Variants in PARD3B observed in about 807,000 individuals in gnomAD.
PARD3B encodes par-3 family cell polarity regulator beta.
PARD3B carries 103 observed loss-of-function variants against 130.2 expected under a neutral mutation model. That is an observed-to-expected ratio of 0.79 (90% CI 0.67 to 0.93). PARD3B has a LOEUF of 0.93. Among genes scored for constraint, PARD3B ranks in the 40% least tolerant of loss-of-function variants. PARD3B has a pLI of 0.00. For missense variants in PARD3B, 1,609 were observed against 1,499.2 expected, an observed-to-expected ratio of 1.07 and a Z score of -1.21; for synonymous variants, 583 against 553.2, an observed-to-expected ratio of 1.05 and a Z score of -0.76.
chr2:205,072,540 C>T (rs201742839), intron 4 of PARD3B, among the ~76,000 whole-genome samples: 12 of 152,088 alleles, frequency 7.9e-5, no homozygotes, highest in East Asian at 3.9e-4. Context: ...GCATGACCTA[C>T]GGCACCCAGC....
chr2:204,942,287 C>T (rs1349925613), intron 2 of PARD3B, among the ~76,000 whole-genome samples: 3 of 152,086 alleles, frequency 2.0e-5, no homozygotes, highest in Admixed American at 6.6e-5. Context: ...TTTATAGTAA[C>T]GCTTCATTAA....
At position 204,964,509 on chromosome 2, in the gene PARD3B, G is replaced by C. The variant is rs973451785; in HGVS notation, c.223-643G>C. On this transcript the variant is annotated intron_variant, in intron 2 of 22. Coordinates refer to ENST00000406610, the MANE Select transcript of PARD3B (RefSeq NM_001302769.2). Reference sequence around the variant, plus strand: ...AAAGTAAGGATGTCGAGTCTTATTGGACTTAGCATTCCATTGGACTTAAAC... The same window carrying C: ...AAAGTAAGGATGTCGAGTCTTATTGCACTTAGCATTCCATTGGACTTAAAC... 1.3e-5 allele frequency among the ~76,000 whole-genome samples: 2 copies of C among 152,278 alleles called. 1 individual carries two copies. Among genetic ancestry groups the C allele is most frequent in the Middle Eastern group, 6.8e-3 (2 of 292 alleles).
At chr2:204,625,475 A>G (rs1335856180) in intron 1 of PARD3B, among the ~76,000 whole-genome samples, 1 of 152,190 alleles carries the variant, frequency 6.6e-6, no homozygotes, top group Admixed American at 6.5e-5. Context: ...CTGCCAGGAT[A>G]AGGGATTGTT....
intron 1 of PARD3B, among the ~76,000 whole-genome samples, chr2:204,637,283 T>C (rs1230964335): frequency 1.3e-5 from 2 of 152,190 alleles, no homozygotes; most frequent in Non-Finnish European, 2.9e-5. Flanking sequence ...TAATAATTAA[T>C]ACATGGTACA....
chr2:204,638,269 T>A (rs1167054883), intron 1 of PARD3B, among the ~76,000 whole-genome samples: 1 of 152,180 alleles, frequency 6.6e-6, no homozygotes, highest in Non-Finnish European at 1.5e-5. Context: ...AGTTTACAAT[T>A]CCCCAGAAAT....
intron 1 of PARD3B, among the ~76,000 whole-genome samples, chr2:204,616,244 A>G (rs1373017733): frequency 6.6e-6 from 1 of 152,216 alleles, no homozygotes; most frequent in Non-Finnish European, 1.5e-5. Flanking sequence ...TGTTATCTAA[A>G]ATATGCAAAG....
intron 3 of PARD3B, among the ~76,000 whole-genome samples, chr2:205,018,350 C>T (rs956053531): frequency 6.6e-6 from 1 of 151,930 alleles, no homozygotes; most frequent in Non-Finnish European, 1.5e-5. Flanking sequence ...CATGTAATAT[C>T]CAGAACATGA....
At chr2:205,459,818 C>T (rs1346514156) in intron 20 of PARD3B, among the ~76,000 whole-genome samples, 1 of 152,120 alleles carries the variant, frequency 6.6e-6, no homozygotes, top group East Asian at 1.9e-4. Context: ...CAGTGTTCAC[C>T]ACAGAAAATA....
At chr2:205,082,890 G>A (rs1185202317) in intron 4 of PARD3B, among the ~76,000 whole-genome samples, 2 of 151,460 alleles carry the variant, frequency 1.3e-5, no homozygotes, top group Admixed American at 6.6e-5. Flanking sequence ...ATAATCTTAA[G>A]GGAAATTACA....
chr2:205,379,159 A>G (rs919288542), intron 18 of PARD3B, among the ~76,000 whole-genome samples: 21 of 152,258 alleles, frequency 1.4e-4, no homozygotes, highest in African/African-American at 4.8e-4. Flanking sequence ...CACATGAGCA[A>G]TGGTTGTTCT....
Position 205,105,917 on chromosome 2 carries a change from G to T in PARD3B, c.593+1403G>T, listed in dbSNP as rs889727088. Among the ~76,000 whole-genome samples the T allele has an allele frequency of 2.0e-5, 3 of 151,722 alleles. No individual in the cohort carries two copies. The highest frequency in any genetic ancestry group is 4.4e-5 in the Non-Finnish European group (3 of 67,912). On this transcript the variant is annotated intron_variant, in intron 5 of 22. Transcript: ENST00000406610. This position sits in a 1 kb window ranked among gnomAD's most constrained non-coding sequence, Gnocchi z 4.0. ...GATTGTTTCTGGAGGTAGACATAAT[G>T]ATTGTAATGCTCTTATTCTATTTGG...
intron 2 of PARD3B, among the ~76,000 whole-genome samples, chr2:204,919,106 G>A (rs532779768): frequency 2.6e-5 from 4 of 152,144 alleles, no homozygotes; most frequent in South Asian, 4.1e-4. Context: ...GCTTTATTAA[G>A]TATCTATTTC....
Position 205,195,108 on chromosome 2 carries a change from A to T in PARD3B, c.2140+1788A>T, listed in dbSNP as rs866799876. On this transcript the variant is annotated intron_variant, in intron 15 of 22. Transcript: ENST00000406610. ...GCCACCGCATCCAGCCGTTTTGTTT[A>T]CATTTTTATTACCAAAAACTGTTTT... Among the ~76,000 whole-genome samples the T allele has an allele frequency of 7.9e-5, 12 of 152,082 alleles. No homozygotes were observed. The Middle Eastern group carries it at 0.014, about 172-fold the overall frequency.
Position 204,907,382 on chromosome 2 carries a change from A to T in PARD3B, c.223-57770A>T, listed in dbSNP as rs189209433. Among the ~76,000 whole-genome samples the T allele has an allele frequency of 4.5e-4, 69 of 152,318 alleles. No homozygotes were observed. The highest frequency in any genetic ancestry group is 1.2e-3 in the Admixed American group (18 of 15,302). ...GTCTTTGAAAGTTGTAAATTTTAGT[A>T]CACCTTCATTTACATTTCTATTTGA... On this transcript the variant is annotated intron_variant, in intron 2 of 22. Coordinates refer to ENST00000406610, the MANE Select transcript of PARD3B (RefSeq NM_001302769.2). The surrounding 1 kb of genome is among the most constrained non-coding windows in gnomAD (Gnocchi z 5.7).
intron 2 of PARD3B, among the ~76,000 whole-genome samples, chr2:204,944,878 T>TACC (rs1689189445): frequency 1.3e-5 from 2 of 152,150 alleles, no homozygotes; most frequent in Non-Finnish European, 2.9e-5. Context: ...TACGTTAGAG[T>TACC]AACACTTCCA....
intron 21 of PARD3B, among the ~76,000 whole-genome samples, chr2:205,541,409 C>T (rs560483727): frequency 1.4e-5 from 2 of 146,950 alleles, no homozygotes; most frequent in East Asian, 2.0e-4. Flanking sequence ...AATGCAATGG[C>T]GTGATCTTGG....
rs565900299 is a variant in PARD3B, at chr2:205,474,450, G to C, written c.3045-25446G>C. Among the ~76,000 whole-genome samples, 6 of 152,062 alleles carry C rather than the reference G, an allele frequency of 3.9e-5. No individual in the cohort carries two copies. The South Asian group carries it at 6.2e-4, about 16-fold the overall frequency. On this transcript the variant is annotated intron_variant, in intron 20 of 22. Coordinates refer to ENST00000406610, the MANE Select transcript of PARD3B (RefSeq NM_001302769.2). The stretch of plus-strand genomic sequence containing the variant: ...ATGCATATACACATTTGAGTATTTT[G>C]CCTTTTTACAATGATACTGTGATAT...
At chr2:205,506,532 A>C (rs1222394196) in intron 21 of PARD3B, among the ~76,000 whole-genome samples, 4 of 152,196 alleles carry the variant, frequency 2.6e-5, no homozygotes, top group African/African-American at 9.6e-5. Context: ...GACAAGAGAC[A>C]AATCTGGTGA....
chr2:204,913,142 A>G (rs2047308524), intron 2 of PARD3B, among the ~76,000 whole-genome samples: 1 of 152,226 alleles, frequency 6.6e-6, no homozygotes, highest in Non-Finnish European at 1.5e-5. Context: ...CCCAAATTCT[A>G]TGTTTAACCA....
Sources: allele counts gnomAD v4.1 joint callset (sites outside exome capture counted in the v4.1 genomes callset), GRCh38; gene constraint gnomAD v4.1.1; non-coding constraint Gnocchi (gnomAD v3.1); transcripts MANE v1.5; gene names NCBI Gene and HGNC (gene_info 2026-07-23, HGNC 2026-07-21).